The following SNX29 variants were observed in gnomAD, a reference collection of about 807,000 sequenced individuals.
SNX29 encodes the protein sorting nexin-29.
SNX29 carries 78 observed loss-of-function variants against 102.1 expected under a neutral mutation model. The ratio of observed to expected loss-of-function variants is 0.76; its 90% CI spans 0.64 to 0.92. The LOEUF (loss-of-function observed/expected upper bound fraction) is 0.92, where lower values mean the gene tolerates loss of function less well. SNX29 is among the 40% of genes least tolerant of loss of function. The pLI is 0.00. For missense variants in SNX29, 1,280 were observed against 1,061.7 expected, an observed-to-expected ratio of 1.21 and a Z score of -2.86; for synonymous variants, 580 against 414.5, an observed-to-expected ratio of 1.40 and a Z score of -4.85.
At chr16:12,218,230 A>G (rs1291846158) in intron 14 of SNX29, among the ~76,000 whole-genome samples, 8 of 152,248 alleles carry the variant, frequency 5.3e-5, no homozygotes, top group East Asian at 3.8e-4. Flanking sequence ...TATGCCCTTT[A>G]TAACAAGTCT....
chr16:12,192,697 T>C (rs745507510), intron 13 of SNX29, among the ~76,000 whole-genome samples: 1 of 151,710 alleles, frequency 6.6e-6, no homozygotes, highest in Non-Finnish European at 1.5e-5. Flanking sequence ...TTAATTTTAT[T>C]TCATTTATTT....
At chr16:12,561,218 C>T (rs1191973105) in intron 20 of SNX29, 1 of 229,980 alleles carries the variant, frequency 4.3e-6, no homozygotes, top group East Asian at 6.2e-5. Flanking sequence ...CGCAGCCATG[C>T]AGTACAGAAG....
At chr16:12,505,521 G>T (rs1354771291) in intron 19 of SNX29, among the ~76,000 whole-genome samples, 2 of 152,018 alleles carry the variant, frequency 1.3e-5, no homozygotes, top group Admixed American at 6.5e-5. Context: ...ATCTTATTTT[G>T]TATATTCGAG....
intron 4 of SNX29, among the ~76,000 whole-genome samples, chr16:12,037,514 A>G (rs1359405692): frequency 6.6e-6 from 1 of 151,936 alleles, no homozygotes; most frequent in Non-Finnish European, 1.5e-5. Flanking sequence ...AAAAAAACGA[A>G]AGTTGCATAT....
chr16:12,186,231 T>A (rs565676865), intron 13 of SNX29, among the ~76,000 whole-genome samples: 24 of 152,260 alleles, frequency 1.6e-4, no homozygotes, highest in African/African-American at 5.3e-4. Context: ...CTTCTTTTTT[T>A]AAAAAATCTT....
chr16:12,150,456 GCCAGACCTAAC>G (rs2055250233), intron 13 of SNX29, among the ~76,000 whole-genome samples: 1 of 152,222 alleles, frequency 6.6e-6, no homozygotes, highest in Non-Finnish European at 1.5e-5. Context: ...AAGGTACGAG[GCCAGACCTAAC>G]CCAGGCCTTC....
At position 12,549,426 on chromosome 16, in the gene SNX29, T is replaced by A. The variant is rs1216977937; in HGVS notation, c.2319-19080T>A. 3.3e-5 allele frequency among the ~76,000 whole-genome samples: 5 copies of A among 151,976 alleles called. No individual in the cohort carries two copies. In the East Asian group the frequency reaches 9.6e-4, roughly 29 times the overall value. ...AGGAGAATCTCTTGAACCTGGGAGG[T>A]GGAGGTTGCAGTGACCTAAGATTGC... On this transcript the variant is annotated intron_variant, in intron 20 of 20. Transcript: ENST00000566228.
chr16:12,062,238 G>A (rs2050806058), intron 9 of SNX29, among the ~76,000 whole-genome samples: 1 of 151,908 alleles, frequency 6.6e-6, no homozygotes, highest in South Asian at 2.1e-4. Context: ...AATTAGCTGG[G>A]TATGGTGGTG....
chr16:12,394,504 G>A (rs1476049125), intron 16 of SNX29, among the ~76,000 whole-genome samples: 2 of 152,118 alleles, frequency 1.3e-5, no homozygotes, highest in African/African-American at 2.4e-5. Context: ...AAAAAAACTT[G>A]GCTATTTTTT....
chr16:12,109,281 A>G (rs996940203), intron 11 of SNX29, among the ~76,000 whole-genome samples: 7 of 151,896 alleles, frequency 4.6e-5, no homozygotes, highest in Admixed American at 1.3e-4. Flanking sequence ...AGAGCAGCAG[A>G]TGGGGAGGGG....
chr16:12,146,851 G>A (rs1421904625), intron 13 of SNX29, among the ~76,000 whole-genome samples: 1 of 152,166 alleles, frequency 6.6e-6, no homozygotes, highest in Admixed American at 6.5e-5. Context: ...ACCAACAGTG[G>A]AAAGCCATAT....
intron 11 of SNX29, among the ~76,000 whole-genome samples, chr16:12,117,921 C>T (rs1343696361): frequency 6.6e-6 from 1 of 152,008 alleles, no homozygotes; most frequent in East Asian, 1.9e-4. Flanking sequence ...CAGTGAAACC[C>T]TGTCCCTACT....
At chr16:12,245,869 C>T (rs1474400633) in intron 14 of SNX29, among the ~76,000 whole-genome samples, 1 of 152,162 alleles carries the variant, frequency 6.6e-6, no homozygotes, top group Non-Finnish European at 1.5e-5. Flanking sequence ...TAGGAAGGCA[C>T]TGGGGCTGCA....
At chr16:12,173,121 C>T (rs180928227) in intron 13 of SNX29, among the ~76,000 whole-genome samples, 4 of 152,204 alleles carry the variant, frequency 2.6e-5, no homozygotes, top group Non-Finnish European at 4.4e-5. Context: ...CAATTGGCGC[C>T]GGTAAGTTCT....
At chr16:12,454,421 C>G (rs1021305209) in intron 18 of SNX29, among the ~76,000 whole-genome samples, 1 of 152,174 alleles carries the variant, frequency 6.6e-6, no homozygotes, top group Non-Finnish European at 1.5e-5. Flanking sequence ...CTACCTGATG[C>G]AAAGAGCTCT....
At chr16:12,001,312 C>T (rs2056278585) in intron 2 of SNX29, among the ~76,000 whole-genome samples, 2 of 152,062 alleles carry the variant, frequency 1.3e-5, no homozygotes, top group Admixed American at 1.3e-4. Context: ...GGGGTTTCAC[C>T]ATGTTGGCCA....
intron 19 of SNX29, 91 bp downstream of exon 19, chr16:12,477,950 A>G: frequency 1.4e-6 from 2 of 1,405,958 alleles, no homozygotes; most frequent in Non-Finnish European, 1.9e-6. Flanking sequence ...TTAAAAACAC[A>G]TGCTCCTTAA....
At chr16:12,492,872 T>C (rs2088620941) in intron 19 of SNX29, among the ~76,000 whole-genome samples, 1 of 152,234 alleles carries the variant, frequency 6.6e-6, no homozygotes, top group African/African-American at 2.4e-5. Context: ...AGGGCTCTGT[T>C]GTGTTCCATT....
intron 14 of SNX29, among the ~76,000 whole-genome samples, chr16:12,269,245 A>C (rs2079021513): frequency 6.6e-6 from 1 of 152,208 alleles, no homozygotes; most frequent in African/African-American, 2.4e-5. Context: ...GCAGGTAAGT[A>C]GACTGCGGAT....
Sources: allele counts gnomAD v4.1 joint callset (sites outside exome capture counted in the v4.1 genomes callset), GRCh38; gene constraint gnomAD v4.1.1; transcripts MANE v1.5; gene names NCBI Gene and HGNC (gene_info 2026-07-23, HGNC 2026-07-21).